Variants in NALF1 observed in about 807,000 individuals in gnomAD.
The protein encoded by NALF1 is family with sequence similarity 155 member A.
Under a neutral mutation model 48.4 loss-of-function variants are expected in NALF1, and 3 were observed. The ratio of observed to expected loss-of-function variants is 0.06; its 90% CI spans 0.03 to 0.16. The LOEUF (loss-of-function observed/expected upper bound fraction) is 0.16. NALF1 is among the 10% of genes least tolerant of loss of function. The probability of loss-of-function intolerance (pLI) is 1.00; values close to 1 mark genes in which losing one functional copy is unlikely to be tolerated. For missense variants in NALF1, 526 were observed against 571.5 expected, an observed-to-expected ratio of 0.92 and a Z score of 0.81; for synonymous variants, 262 against 245.7, an observed-to-expected ratio of 1.07 and a Z score of -0.62.
rs1410304441 is a variant in NALF1, at chr13:107,570,566, T to TTATC, written c.915+295115_915+295116insGATA. On this transcript the variant is annotated intron_variant, in intron 1 of 2. Coordinates refer to ENST00000375915, the MANE Select transcript of NALF1 (RefSeq NM_001080396.3). ...CTCCATATTTATTTTTTTCTTTTATTTATTTATTTATTTTATTTTATTATT... is the reference window on the plus strand; with the variant it reads ...CTCCATATTTATTTTTTTCTTTTATTTATCTATTTATTTATTTTATTTTATTATT... Among the ~76,000 whole-genome samples the TTATC allele has an allele frequency of 2.2e-4, 19 of 85,258 alleles. No individual in the cohort carries two copies. In the East Asian group the frequency reaches 7.3e-3, roughly 33 times the overall value. 55.9% of individuals were successfully genotyped at this position (85,258 alleles called of 152,430 possible).
At chr13:107,842,356 T>G (rs778284528) in intron 1 of NALF1, among the ~76,000 whole-genome samples, 39 of 152,068 alleles carry the variant, frequency 2.6e-4, no homozygotes, top group Non-Finnish European at 2.8e-4. Context: ...TTACAGAAAT[T>G]TAGTATATTG....
intron 2 of NALF1, among the ~76,000 whole-genome samples, chr13:107,178,142 G>C (rs1278487823): frequency 6.6e-6 from 1 of 152,082 alleles, no homozygotes; most frequent in Admixed American, 6.5e-5. Flanking sequence ...TGTTGCTCTA[G>C]GCAAAAATTT....
chr13:107,550,176 T>A (rs541902316), intron 1 of NALF1, among the ~76,000 whole-genome samples: 1 of 152,086 alleles, frequency 6.6e-6, no homozygotes, highest in African/African-American at 2.4e-5. Flanking sequence ...TCTTGGATAA[T>A]GATTCCTCTC....
chr13:107,174,367 T>TTTA (rs1878871646), intron 2 of NALF1, among the ~76,000 whole-genome samples: 1 of 132,752 alleles, frequency 7.5e-6, no homozygotes, highest in African/African-American at 3.0e-5. Context: ...TTATTTATTT[T>TTTA]TTTTTTTGAG....
chr13:107,247,051 G>A (rs948220134), intron 1 of NALF1, among the ~76,000 whole-genome samples: 3 of 152,100 alleles, frequency 2.0e-5, no homozygotes, highest in Non-Finnish European at 2.9e-5. Context: ...GGTTGCAACT[G>A]AACATTTACT....
chr13:107,624,064 G>A (rs975969142), intron 1 of NALF1, among the ~76,000 whole-genome samples: 31 of 152,142 alleles, frequency 2.0e-4, no homozygotes, highest in African/African-American at 6.3e-4. Flanking sequence ...TGGTAAAAAT[G>A]TTCTGGAATA....
chr13:107,192,228 C>A (rs942670728), intron 2 of NALF1, among the ~76,000 whole-genome samples: 2 of 152,044 alleles, frequency 1.3e-5, no homozygotes, highest in African/African-American at 4.8e-5. Context: ...CCTGTGGTAG[C>A]GCTCCTGACA....
At chr13:107,343,421 C>T (rs987677325) in intron 1 of NALF1, among the ~76,000 whole-genome samples, 2 of 152,148 alleles carry the variant, frequency 1.3e-5, no homozygotes, top group African/African-American at 4.8e-5. Flanking sequence ...ATGCTGCTCT[C>T]ATGATAGTAA....
chr13:107,641,526 C>T (rs778657057), intron 1 of NALF1, among the ~76,000 whole-genome samples: 16 of 152,130 alleles, frequency 1.1e-4, no homozygotes, highest in South Asian at 4.1e-4. Context: ...ATTATACATT[C>T]ATTTAAAAAA....
chr13:107,561,982 T>A (rs1877662171), intron 1 of NALF1, among the ~76,000 whole-genome samples: 1 of 152,232 alleles, frequency 6.6e-6, no homozygotes, highest in African/African-American at 2.4e-5. Context: ...ATATGCAAAA[T>A]GGAGCCTGCT....
intron 1 of NALF1, among the ~76,000 whole-genome samples, chr13:107,464,856 C>T (rs887950891): frequency 3.9e-5 from 6 of 152,068 alleles, no homozygotes; most frequent in Non-Finnish European, 8.8e-5. Context: ...TTGAGGTATG[C>T]TCAACATACA....
In NALF1 at chr13:107,465,388, C is replaced by T. The variant is rs890046589; in HGVS notation, c.916-254633G>A. 1.1e-4 allele frequency among the ~76,000 whole-genome samples: 16 copies of T among 151,444 alleles called. No individual in the cohort carries two copies. In the South Asian group the frequency reaches 3.3e-3, roughly 32 times the overall value. On this transcript the variant is annotated intron_variant, in intron 1 of 2. Transcript: ENST00000375915. ...TTCTTTATAAATCTTAAAGTTTATACAATTTTTTTTACTCTTTCTTTACCC... is the reference window on the plus strand; with the variant it reads ...TTCTTTATAAATCTTAAAGTTTATATAATTTTTTTTACTCTTTCTTTACCC...
intron 1 of NALF1, among the ~76,000 whole-genome samples, chr13:107,839,987 A>G (rs1880000751): frequency 6.6e-6 from 1 of 151,672 alleles, no homozygotes; most frequent in Admixed American, 6.6e-5. Context: ...TCTTATGTAG[A>G]CAAAGGGAGA....
intron 2 of NALF1, among the ~76,000 whole-genome samples, chr13:107,184,888 G>A (rs1298199907): frequency 2.0e-5 from 3 of 152,190 alleles, no homozygotes; most frequent in South Asian, 4.2e-4. Flanking sequence ...TCTCAACCCC[G>A]AATACCTCAG....
intron 1 of NALF1, among the ~76,000 whole-genome samples, chr13:107,680,401 C>G (rs1489012707): frequency 8.7e-6 from 1 of 115,138 alleles, no homozygotes; most frequent in Non-Finnish European, 2.0e-5. Flanking sequence ...TACGTTCATA[C>G]GTGTATGAGT....
At chr13:107,688,188 T>C (rs1398163785) in intron 1 of NALF1, among the ~76,000 whole-genome samples, 2 of 152,200 alleles carry the variant, frequency 1.3e-5, no homozygotes, top group East Asian at 3.9e-4. Context: ...TGTTATTATG[T>C]GCACTTTATG....
intron 1 of NALF1, among the ~76,000 whole-genome samples, chr13:107,697,498 G>T (rs1015569650): frequency 1.3e-5 from 2 of 151,960 alleles, no homozygotes; most frequent in African/African-American, 4.8e-5. Context: ...ATTCAATTGT[G>T]TTTTTCACCT....
intron 1 of NALF1, among the ~76,000 whole-genome samples, chr13:107,673,721 G>C (rs1008476620): frequency 2.0e-5 from 3 of 152,078 alleles, no homozygotes; most frequent in African/African-American, 7.2e-5. Context: ...TGAGATGATG[G>C]AGATGTTAAT....
intron 1 of NALF1, among the ~76,000 whole-genome samples, chr13:107,215,464 G>A (rs1879852785): frequency 6.6e-6 from 1 of 152,030 alleles, no homozygotes; most frequent in Admixed American, 6.5e-5. Flanking sequence ...GAGAACCCAA[G>A]AGAGCTCATC....
Sources: gnomAD v4.1 joint callset for allele counts (sites outside exome capture counted in the v4.1 genomes callset) on GRCh38, gnomAD v4.1.1 for gene constraint, MANE v1.5 for transcripts, NCBI Gene and HGNC (gene_info 2026-07-23, HGNC 2026-07-21) for gene names.